BRI3BP: variants seen among roughly 807,000 people sequenced by gnomAD.
BRI3BP encodes BRI3-binding protein.
In BRI3BP, 7 loss-of-function variants were observed where a neutral mutation model predicts 15.8. That is an observed-to-expected ratio of 0.44 (90% CI 0.25 to 0.83). BRI3BP has a LOEUF of 0.83. Among genes scored for constraint, BRI3BP ranks in the 40% least tolerant of loss-of-function variants. The pLI is 0.20. For synonymous variants in BRI3BP, 192 were observed against 163.5 expected (o/e 1.17, Z -1.33); for missense variants, 320 against 339.3 (o/e 0.94, Z 0.45).
In BRI3BP at chr12:125,013,001, C is replaced by T. The variant is rs557316984; in HGVS notation, c.316+365C>T. On this transcript the variant is annotated intron_variant, in intron 2 of 2. Coordinates refer to ENST00000341446, the MANE Select transcript of BRI3BP (RefSeq NM_080626.6). ...TGGGAGGCTGAGGCAGGAGGATTGC[C>T]TGAGATGAGGAATTCGAGGCTGCAG... Among the ~76,000 whole-genome samples, 9 of 152,136 alleles carry T rather than the reference C, an allele frequency of 5.9e-5. No homozygotes were observed. The East Asian group carries it at 1.7e-3, about 29-fold the overall frequency.
chr12:124,993,790 C>A lies in BRI3BP; in HGVS notation c.-1C>A. On this transcript the variant is annotated 5_prime_UTR_variant, in exon 1 of 3. Transcript: ENST00000341446. The stretch of plus-strand genomic sequence containing the variant: ...GCGACCCCGCGCCCCGCCGGCCGAG[C>A]ATGGGCGCGCGCGCCTCAGGCGGGC... The A allele has an allele frequency of 9.6e-7, 1 of 1,039,016 alleles. No individual in the cohort carries two copies. The highest frequency in any genetic ancestry group is 1.2e-6 in the Non-Finnish European group (1 of 869,084). The allele number at this position is 1,039,016 out of a possible 1,614,324, so 64.4% of individuals were successfully genotyped here. A position where few individuals can be genotyped will look rare whatever the true frequency, so the allele number is the denominator to read the frequency against.
chr12:125,038,981 T>C, the BRI3BP span, among the ~76,000 whole-genome samples: 2 of 151,672 alleles, frequency 1.3e-5, no homozygotes, highest in Admixed American at 6.6e-5. Context: ...TCCCAGCTAC[T>C]TGGGAGGCTG....
downstream of BRI3BP, among the ~76,000 whole-genome samples, chr12:125,031,510 G>A (rs2136004175): frequency 6.6e-6 from 1 of 151,102 alleles, no homozygotes; most frequent in East Asian, 1.9e-4. Flanking sequence ...AGTGATGCGT[G>A]CCTCTCCACC....
At chr12:124,998,271 A>G (rs10161214) in intron 1 of BRI3BP, among the ~76,000 whole-genome samples, 110,374 of 152,022 alleles carry the variant, frequency 0.73, 40,473 homozygotes, top group East Asian at 0.99. Flanking sequence ...AAGCCGGGGG[A>G]ACAGAGACTC....
intron 1 of BRI3BP, 148 bp from the exon 2 acceptor site, chr12:125,012,386 C>T: frequency 1.5e-6 from 1 of 664,490 alleles, no homozygotes; most frequent in Non-Finnish European, 2.7e-6. Context: ...CAAGTCAATC[C>T]CCTGGGCCAG....
At chr12:125,049,447 G>T in the BRI3BP span, among the ~76,000 whole-genome samples, 1 of 151,550 alleles carries the variant, frequency 6.6e-6, no homozygotes, top group African/African-American at 2.4e-5. Context: ...CATCCCCCAG[G>T]TACTTCAGGC....
intron 1 of BRI3BP, among the ~76,000 whole-genome samples, chr12:125,012,222 A>C (rs1955202402): frequency 6.6e-6 from 1 of 152,172 alleles, no homozygotes; most frequent in Admixed American, 6.5e-5. Flanking sequence ...ATCCTGACCC[A>C]AGAGGAAGCA....
At chr12:125,034,605 C>T (rs1472583515), downstream of BRI3BP, among the ~76,000 whole-genome samples, 1 of 150,438 alleles carries the variant, frequency 6.6e-6, no homozygotes, top group African/African-American at 2.4e-5. Flanking sequence ...TTTTTTTGGG[C>T]TGGGGATGGA....
the BRI3BP span, among the ~76,000 whole-genome samples, chr12:125,050,766 T>TG: frequency 6.6e-6 from 1 of 152,156 alleles, no homozygotes; most frequent in Non-Finnish European, 1.5e-5. Flanking sequence ...TGCTATGACA[T>TG]GGGGTGGGGT....
At chr12:125,008,506 G>T (rs1955168854) in intron 1 of BRI3BP, among the ~76,000 whole-genome samples, 1 of 151,694 alleles carries the variant, frequency 6.6e-6, no homozygotes, top group Non-Finnish European at 1.5e-5. Flanking sequence ...TAGAGACGGG[G>T]TTTCACCGTG....
chr12:125,048,695 TATAATA>T, the BRI3BP span, among the ~76,000 whole-genome samples: 1 of 150,870 alleles, frequency 6.6e-6, no homozygotes, highest in Non-Finnish European at 1.5e-5. Flanking sequence ...AAACTTAAAG[TATAATA>T]ATAATAATAG....
chr12:125,040,809 C>T, the BRI3BP span, among the ~76,000 whole-genome samples: 12 of 151,514 alleles, frequency 7.9e-5, no homozygotes, highest in Admixed American at 2.6e-4. Context: ...TGGCTCACTG[C>T]AACTTCTGCC....
Position 124,999,678 on chromosome 12 carries a change from C to T in BRI3BP, c.213+5675C>T, listed in dbSNP as rs965239923. Among the ~76,000 whole-genome samples, 10 of 150,264 alleles carry T rather than the reference C, an allele frequency of 6.7e-5. No homozygotes were observed. In the South Asian group the frequency reaches 8.4e-4, roughly 13 times the overall value. On this transcript the variant is annotated intron_variant, in intron 1 of 2. Transcript: ENST00000341446. ...TGTCGCCCAGGCTGGAGTGCAGTGG[C>T]GCAATTTCGGCTCACTGCAAGCTCC... is the stretch of plus-strand genomic sequence containing the variant.
downstream of BRI3BP, among the ~76,000 whole-genome samples, chr12:125,035,583 G>A (rs1243843626): frequency 6.6e-6 from 1 of 151,794 alleles, no homozygotes; most frequent in Non-Finnish European, 1.5e-5. Context: ...TGTAGAGATG[G>A]GGTCTCACTA....
chr12:125,047,395 G>T, the BRI3BP span, among the ~76,000 whole-genome samples: 1 of 151,902 alleles, frequency 6.6e-6, no homozygotes, highest in Non-Finnish European at 1.5e-5. Flanking sequence ...GGATGGTCTC[G>T]ATCTCCTGAC....
At chr12:125,035,563 C>T (rs543308765), downstream of BRI3BP, among the ~76,000 whole-genome samples, 1 of 147,994 alleles carries the variant, frequency 6.8e-6, no homozygotes, top group South Asian at 2.2e-4. Context: ...CAGGCTAATG[C>T]TTTTTTTTTT....
Position 124,993,786 on chromosome 12 carries a change from C to G in BRI3BP, c.-5C>G. ...CATCGCGACCCCGCGCCCCGCCGGC[C>G]GAGCATGGGCGCGCGCGCCTCAGGC... is the stretch of plus-strand genomic sequence containing the variant. On this transcript the variant is annotated 5_prime_UTR_variant, in exon 1 of 3. Coordinates refer to ENST00000341446, the MANE Select transcript of BRI3BP (RefSeq NM_080626.6). 9.7e-7 allele frequency: 1 copy of G among 1,029,250 alleles called. No individual in the cohort carries two copies. The highest frequency in any genetic ancestry group is 1.7e-5 in the African/African-American group (1 of 57,572). 63.8% of individuals were successfully genotyped at this position (1,029,250 alleles called of 1,614,324 possible). A position where few individuals can be genotyped will look rare whatever the true frequency, so the allele number is the denominator to read the frequency against.
At position 125,028,581 on chromosome 12, in the gene BRI3BP, T is replaced by C. The variant is rs542190981; in HGVS notation, c.*3151T>C. On this transcript the variant is annotated 3_prime_UTR_variant, in exon 3 of 3. Transcript: ENST00000341446. ...ATTCTGGTGAAAGATGTCTTCATTT[T>C]TAATGAAAGAACCTACAGTTAGTAG... 1 of 152,336 alleles carries C rather than the reference T, an allele frequency of 6.6e-6. No individual in the cohort carries two copies. The highest frequency in any genetic ancestry group is 2.4e-5 in the African/African-American group (1 of 41,584). 9.4% of individuals were successfully genotyped at this position (152,336 alleles called of 1,614,324 possible). A position where few individuals can be genotyped will look rare whatever the true frequency, so the allele number is the denominator to read the frequency against.
At chr12:125,051,125 G>T in the BRI3BP span, among the ~76,000 whole-genome samples, 3 of 152,178 alleles carry the variant, frequency 2.0e-5, no homozygotes, top group African/African-American at 7.2e-5. Flanking sequence ...TTGTCTGGCT[G>T]GTCTGAGTCT....
Sources: gnomAD v4.1 joint callset for allele counts (sites outside exome capture counted in the v4.1 genomes callset) on GRCh38, gnomAD v4.1.1 for gene constraint, MANE v1.5 for transcripts, NCBI Gene and HGNC (gene_info 2026-07-23, HGNC 2026-07-21) for gene names.